SATB2: variants seen among roughly 807,000 people sequenced by gnomAD.
The protein encoded by SATB2 is SATB homeobox 2.
SATB2 carries 1 observed loss-of-function variant against 73.4 expected under a neutral mutation model. The observed-to-expected ratio is 0.01, with a 90% CI of 0.00 to 0.06. The LOEUF (loss-of-function observed/expected upper bound fraction) is 0.06, where lower values mean the gene tolerates loss of function less well. Ranked by LOEUF, SATB2 falls within the 10% of genes least tolerant of loss-of-function variation. SATB2 has a pLI of 1.00. For synonymous variants in SATB2, 397 were observed against 367.0 expected (o/e 1.08, Z -0.93); for missense variants, 459 against 945.8 (o/e 0.49, Z 6.75).
intron 7 of SATB2, among the ~76,000 whole-genome samples, chr2:199,344,316 C>G (rs1688589634): frequency 6.6e-6 from 1 of 152,004 alleles, no homozygotes; most frequent in African/African-American, 2.4e-5. Context: ...ATAGATCCTT[C>G]CAATTTTTAT....
At chr2:199,384,275 CATGCT>C (rs1689864072) in intron 3 of SATB2, among the ~76,000 whole-genome samples, 1 of 152,204 alleles carries the variant, frequency 6.6e-6, no homozygotes, top group Non-Finnish European at 1.5e-5. Flanking sequence ...GCTGTTGGCA[CATGCT>C]ATTTTCCCAG....
At chr2:199,309,054 C>T in intron 9 of SATB2, 97 bp from the exon 10 acceptor site, 1 of 1,046,446 alleles carries the variant, frequency 9.6e-7, no homozygotes. Flanking sequence ...ACATCTTTTT[C>T]TGTCAAAATT....
At chr2:199,331,082 T>C (rs1006840182) in intron 7 of SATB2, among the ~76,000 whole-genome samples, 9 of 152,146 alleles carry the variant, frequency 5.9e-5, no homozygotes, top group African/African-American at 2.2e-4. Flanking sequence ...GAGTTTATTA[T>C]GGGAAAGATT....
chr2:199,393,638 G>C (rs981620647), intron 3 of SATB2, among the ~76,000 whole-genome samples: 2 of 151,624 alleles, frequency 1.3e-5, no homozygotes. Context: ...TGATAGCTTT[G>C]ATTACTGTCA....
chr2:199,350,056 A>G (rs1387792747), intron 6 of SATB2, among the ~76,000 whole-genome samples: 2 of 152,184 alleles, frequency 1.3e-5, no homozygotes, highest in Admixed American at 6.5e-5. Context: ...GAGAAAAGAA[A>G]TGGGGCTGAA....
chr2:199,318,583 A>G (rs1687798866), intron 9 of SATB2, among the ~76,000 whole-genome samples: 3 of 152,108 alleles, frequency 2.0e-5, no homozygotes, highest in South Asian at 2.1e-4. Context: ...ATTCTAAAAT[A>G]TTAATACTAA....
At chr2:199,276,635 A>G (rs1574462734) in intron 10 of SATB2, among the ~76,000 whole-genome samples, 1 of 152,172 alleles carries the variant, frequency 6.6e-6, no homozygotes, top group East Asian at 1.9e-4. Context: ...TCTCTTTCCA[A>G]ACTAGTCCTT....
chr2:199,377,670 C>T lies in SATB2; in HGVS notation c.597+2694G>A, dbSNP rs773859181. Among the ~76,000 whole-genome samples, 12 of 152,050 alleles carry T rather than the reference C, an allele frequency of 7.9e-5. No individual in the cohort carries two copies. In the South Asian group the frequency reaches 1.7e-3, roughly 21 times the overall value. ...TTGATGGTCTTTATGATATGGAGTC[C>T]GTACTTCCTACAGGGTGGGTAGGGG... On this transcript the variant is annotated intron_variant, in intron 5 of 10. Transcript: ENST00000417098.
chr2:199,349,000 T>C lies in SATB2; in HGVS notation c.874A>G (p.Ile292Val). 1 of 1,614,152 alleles carries C rather than the reference T, an allele frequency of 6.2e-7. No individual in the cohort carries two copies. The highest frequency in any genetic ancestry group is 8.5e-7 in the Non-Finnish European group (1 of 1,179,988). The change falls in exon 7 of 11, where the codon ATC (isoleucine) becomes GTC (valine). Residue 292 changes from isoleucine to valine, a missense_variant. By Grantham distance (29) the Ile-to-Val change is conservative. This residue lies in a region of SATB2 where 77 missense variants were observed against 90.4 expected (regional missense o/e 0.85). Transcript: ENST00000417098. ...IRNQVPALQP[I>V]MSPGLLSPQL... ...GGAGAAAGAAGACCAGGGCTCATGA[T>C]GGGCTGTAATGCGGGCACTTGGTTT...
intron 10 of SATB2, among the ~76,000 whole-genome samples, chr2:199,294,820 A>G (rs1399827900): frequency 6.6e-6 from 1 of 152,224 alleles, no homozygotes; most frequent in Non-Finnish European, 1.5e-5. Context: ...AGAAACAGGA[A>G]TACCTTTCCA....
intron 9 of SATB2, among the ~76,000 whole-genome samples, chr2:199,316,282 AC>A (rs1309167808): frequency 6.6e-6 from 1 of 151,902 alleles, no homozygotes; most frequent in Non-Finnish European, 1.5e-5. Flanking sequence ...AAATAAATAA[AC>A]CCCCTAATGA....
intron 3 of SATB2, among the ~76,000 whole-genome samples, chr2:199,403,788 A>G (rs1690552412): frequency 6.6e-6 from 1 of 152,234 alleles, no homozygotes; most frequent in Non-Finnish European, 1.5e-5. Flanking sequence ...TTGATATTCA[A>G]AGTGGCTGGA....
At chr2:199,465,516 A>C (rs1364255120), upstream of SATB2, among the ~76,000 whole-genome samples, 1 of 152,226 alleles carries the variant, frequency 6.6e-6, no homozygotes, top group African/African-American at 2.4e-5. Context: ...CTGGTTTTCC[A>C]ATCTTCTTGA....
chr2:199,406,899 T>G (rs941964615), intron 3 of SATB2, among the ~76,000 whole-genome samples: 5 of 152,190 alleles, frequency 3.3e-5, no homozygotes, highest in Admixed American at 2.0e-4. Flanking sequence ...GGCATCATCA[T>G]GAGAAATAAT....
At position 199,306,786 on chromosome 2, in the gene SATB2, AACAG is replaced by A. The variant is rs1687445677; in HGVS notation, c.1740+1970_1740+1973del. ...ACGAGATGATAATTAATGGACAAAA[AACAG>A]ACAGGCATGGTATAAGAGCTGCCAT... On this transcript the variant is annotated intron_variant, in intron 10 of 10. Coordinates refer to ENST00000417098, the MANE Select transcript of SATB2 (RefSeq NM_001172509.2). Among the ~76,000 whole-genome samples, 10 of 152,274 alleles carry A rather than the reference AACAG, an allele frequency of 6.6e-5. 1 individual carries two copies. In the South Asian group the frequency reaches 2.1e-3, roughly 32 times the overall value.
intron 3 of SATB2, among the ~76,000 whole-genome samples, chr2:199,417,340 C>T (rs544384610): frequency 1.6e-4 from 25 of 152,214 alleles, no homozygotes; most frequent in African/African-American, 1.9e-4. Context: ...CTACTGACAA[C>T]GCATCCCCAG....
intron 7 of SATB2, among the ~76,000 whole-genome samples, chr2:199,343,714 A>G (rs1688570709): frequency 6.6e-6 from 1 of 152,196 alleles, no homozygotes; most frequent in Admixed American, 6.5e-5. Flanking sequence ...TTAAAAGCAG[A>G]ATTTTAAAAG....
chr2:199,303,044 T>A (rs1347066552), intron 10 of SATB2, among the ~76,000 whole-genome samples: 1 of 152,116 alleles, frequency 6.6e-6, no homozygotes, highest in African/African-American at 2.4e-5. Context: ...AAAATGAAGA[T>A]CTCATAAACA....
At chr2:199,432,079 C>T (rs1041145074) in intron 3 of SATB2, among the ~76,000 whole-genome samples, 6 of 152,146 alleles carry the variant, frequency 3.9e-5, no homozygotes, top group African/African-American at 1.4e-4. Flanking sequence ...CTTTATCAGG[C>T]TGCTTTGAAA....
Sources: allele counts gnomAD v4.1 joint callset (sites outside exome capture counted in the v4.1 genomes callset), GRCh38; gene constraint gnomAD v4.1.1; regional missense constraint gnomAD v4.1.1; transcripts MANE v1.5; gene names NCBI Gene and HGNC (gene_info 2026-07-23, HGNC 2026-07-21).